The following BPIFA2 variants were observed in gnomAD, a reference collection of about 807,000 sequenced individuals.
BPIFA2 encodes the protein BPI fold containing family A member 2.
Under a neutral mutation model 25.7 loss-of-function variants are expected in BPIFA2, and 20 were observed. The ratio of observed to expected loss-of-function variants is 0.78; its 90% CI spans 0.55 to 1.13. The LOEUF (loss-of-function observed/expected upper bound fraction) is 1.13. Ranked by LOEUF, BPIFA2 falls within the 50% of genes most tolerant of loss-of-function variation. The probability of loss-of-function intolerance (pLI) is 0.00; values close to 1 mark genes in which losing one functional copy is unlikely to be tolerated. For synonymous variants in BPIFA2, 126 were observed against 124.3 expected, an observed-to-expected ratio of 1.01 and a Z score of -0.09; for missense variants, 300 against 298.1, an observed-to-expected ratio of 1.01 and a Z score of -0.05.
chr20:33,178,181 G>A lies in BPIFA2; in HGVS notation c.598G>A (p.Val200Met), dbSNP rs750572385. Residue 200 changes from valine to methionine, a missense_variant, in exon 6 of 9, where the codon GTG becomes ATG. By Grantham distance (21) the Val-to-Met change is conservative. Coordinates refer to ENST00000354932, the MANE Select transcript of BPIFA2 (RefSeq NM_080574.4). ...SQIINKFVNS[V>M]INTLKSTVSS... ...AATCATCAACAAGTTCGTGAATAGC[G>A]TGATCAACACGCTGAAAAGCACTGT... The A allele has an allele frequency of 2.4e-5, 38 of 1,607,506 alleles. No individual in the cohort carries two copies. The highest frequency in any genetic ancestry group is 2.9e-5 in the Non-Finnish European group (34 of 1,175,560).
Position 33,175,418 on chromosome 20 carries a change from G to T in BPIFA2, c.422G>T (p.Gly141Val), listed in dbSNP as rs1449406647. Residue 141 changes from glycine to valine, a missense_variant, in exon 5 of 9, where the codon GGC becomes GTC. Physicochemically the swap from Gly to Val is moderately radical, Grantham distance 109. Transcript: ENST00000354932. Reference protein sequence around the residue: ...ANVTVAGPIIGQIINLKASLD... With the variant: ...ANVTVAGPIIVQIINLKASLD... The stretch of plus-strand genomic sequence containing the variant: ...CTTACTTCCTGCAGGCCCATCATTG[G>T]CCAGATTATCAACCTGAAAGCCTCC... 1 of 1,613,586 alleles carries T rather than the reference G, an allele frequency of 6.2e-7. No homozygotes were observed. The highest frequency in any genetic ancestry group is 8.5e-7 in the Non-Finnish European group (1 of 1,179,800).
At chr20:33,166,746 C>T (rs1253042812), upstream of BPIFA2, among the ~76,000 whole-genome samples, 1 of 152,324 alleles carries the variant, frequency 6.6e-6, no homozygotes, top group Non-Finnish European at 1.5e-5. Context: ...CTCTGAGATC[C>T]AGGAACAGCG....
chr20:33,174,237 G>A lies in BPIFA2; in HGVS notation c.410+51G>A, dbSNP rs79185071. 6.5e-3 allele frequency: 10,077 copies of A among 1,539,718 alleles called. 397 individuals are homozygous for A. In the African/African-American group the frequency reaches 0.1, roughly 15 times the overall value. On this transcript the variant is annotated intron_variant, in intron 4 of 8. Transcript: ENST00000354932. ...TTGGGAAAGGCAGTGCAACCTGGCCGATGGATGCCCAACCTGGGAATCGGG... is the reference window on the plus strand; with the variant it reads ...TTGGGAAAGGCAGTGCAACCTGGCCAATGGATGCCCAACCTGGGAATCGGG...
intron 2 of BPIFA2, among the ~76,000 whole-genome samples, chr20:33,172,211 G>A (rs1983918099): frequency 6.6e-6 from 1 of 151,974 alleles, no homozygotes; most frequent in Non-Finnish European, 1.5e-5. Context: ...ATGCAGGGAG[G>A]GGAACAACAC....
At chr20:33,168,685 A>G (rs910377771) in intron 1 of BPIFA2, among the ~76,000 whole-genome samples, 4 of 152,206 alleles carry the variant, frequency 2.6e-5, no homozygotes, top group Non-Finnish European at 5.9e-5. Context: ...CTGGTAGGAA[A>G]GGTGGTCAAA....
intron 7 of BPIFA2, 23 bp from the exon 8 acceptor site, chr20:33,180,497 T>A: frequency 6.2e-7 from 1 of 1,609,398 alleles, no homozygotes; most frequent in Middle Eastern, 1.7e-4. Context: ...GACTAAGGCC[T>A]GCTATTGATT....
chr20:33,171,507 C>G (rs1256508924), intron 2 of BPIFA2, among the ~76,000 whole-genome samples: 2 of 152,224 alleles, frequency 1.3e-5, no homozygotes, highest in East Asian at 3.9e-4. Flanking sequence ...GGTCTAATAT[C>G]CGGAATCTAC....
chr20:33,177,911 G>A (rs1425367195), intron 5 of BPIFA2, among the ~76,000 whole-genome samples: 1 of 152,172 alleles, frequency 6.6e-6, no homozygotes, highest in Non-Finnish European at 1.5e-5. Context: ...TTGAATGAGT[G>A]AACGAATAAG....
At position 33,175,549 on chromosome 20, in the gene BPIFA2, T is replaced by C; in HGVS notation, c.553T>C (p.Leu185=). The change falls in exon 5 of 9, where the codon TTG becomes CTG. Residue 185 remains leucine, a synonymous_variant. Transcript: ENST00000354932. The part of the protein sequence containing the change: ...ASDPTSISLS[L]LDKHSQIINK... ...TGACCCAACCAGCATCTCACTTTCC[T>C]TGCTGGACAAGTAAGTCCCATTCAT... is the stretch of plus-strand genomic sequence containing the variant. 6.2e-7 allele frequency: 1 copy of C among 1,613,976 alleles called. No homozygotes were observed. Among genetic ancestry groups the C allele is most frequent in the Non-Finnish European group, 8.5e-7 (1 of 1,179,952 alleles).
Position 33,178,208 on chromosome 20 carries a change from TCCTC to T in BPIFA2, c.629_632del (p.Ser210CysfsTer9). Reference sequence around the variant, plus strand: ...GATCAACACGCTGAAAAGCACTGTATCCTCCCTGCTGCAGAAGGAGGTGAGTCTC... The same window carrying T: ...GATCAACACGCTGAAAAGCACTGTATCCTGCTGCAGAAGGAGGTGAGTCTC... On this transcript the variant is annotated frameshift_variant, in exon 6 of 9. Coordinates refer to ENST00000354932, the MANE Select transcript of BPIFA2 (RefSeq NM_080574.4). LOFTEE classifies it high-confidence loss of function. The T allele has an allele frequency of 6.2e-7, 1 of 1,600,726 alleles. No homozygotes were observed. The highest frequency in any genetic ancestry group is 1.1e-5 in the South Asian group (1 of 89,812).
At chr20:33,179,338 G>C (rs1230217817) in intron 6 of BPIFA2, among the ~76,000 whole-genome samples, 1 of 151,606 alleles carries the variant, frequency 6.6e-6, no homozygotes, top group Non-Finnish European at 1.5e-5. Flanking sequence ...GCTGAGGCAG[G>C]AGAATCACTT....
intron 2 of BPIFA2, among the ~76,000 whole-genome samples, chr20:33,170,544 C>T (rs896550498): frequency 6.6e-6 from 1 of 152,168 alleles, no homozygotes; most frequent in Admixed American, 6.5e-5. Context: ...CAGGTGCACA[C>T]CACCACACCT....
At chr20:33,169,411 G>A in intron 2 of BPIFA2, 109 bp downstream of exon 2, 1 of 1,099,916 alleles carries the variant, frequency 9.1e-7, no homozygotes, top group Non-Finnish European at 1.3e-6. Context: ...GCGGTTTACT[G>A]AGAAAAGTGG....
upstream of BPIFA2, among the ~76,000 whole-genome samples, chr20:33,164,372 A>T (rs902727274): frequency 1.3e-5 from 2 of 152,114 alleles, no homozygotes; most frequent in African/African-American, 4.8e-5. Context: ...AGGCCCACCC[A>T]CCTGGGGAAG....
At chr20:33,165,850 G>T (rs1983707485), upstream of BPIFA2, among the ~76,000 whole-genome samples, 1 of 152,124 alleles carries the variant, frequency 6.6e-6, no homozygotes, top group Admixed American at 6.5e-5. Context: ...AGGAGGAGGA[G>T]GAGCACACAG....
intron 2 of BPIFA2, among the ~76,000 whole-genome samples, chr20:33,172,355 T>C (rs1983923577): frequency 6.6e-6 from 1 of 151,948 alleles, no homozygotes; most frequent in African/African-American, 2.4e-5. Context: ...TGTATACCTA[T>C]GTAACAAACC....
chr20:33,172,868 A>G, intron 2 of BPIFA2, 64 bp from the exon 3 acceptor site: 1 of 1,551,854 alleles, frequency 6.4e-7, no homozygotes, highest in Non-Finnish European at 8.8e-7. Flanking sequence ...CTTACCCGGT[A>G]CCTGGAGCAT....
Position 33,175,817 on chromosome 20 carries a change from A to G in BPIFA2, c.563+258A>G, listed in dbSNP as rs188133748. 7.4e-4 allele frequency among the ~76,000 whole-genome samples: 113 copies of G among 152,250 alleles called. 1 individual carries two copies. In the Middle Eastern group the frequency reaches 0.027, roughly 37 times the overall value. ...TAGGCTTCTGAGATGACCAGATGAG[A>G]AAATACAAATATTTAGCACGCAGCC... On this transcript the variant is annotated intron_variant, in intron 5 of 8. Coordinates refer to ENST00000354932, the MANE Select transcript of BPIFA2 (RefSeq NM_080574.4).
chr20:33,181,149 C>T (rs1021751761), intron 8 of BPIFA2, 75 bp from the exon 9 acceptor site: 2 of 152,580 alleles, frequency 1.3e-5, no homozygotes, highest in African/African-American at 4.8e-5. Context: ...CCATCAAGTG[C>T]CCAGTGGATG....
Sources: allele counts gnomAD v4.1 joint callset (sites outside exome capture counted in the v4.1 genomes callset), GRCh38; gene constraint gnomAD v4.1.1; transcripts MANE v1.5; gene names NCBI Gene and HGNC (gene_info 2026-07-23, HGNC 2026-07-21).